Variants in OLAH observed in about 807,000 individuals in gnomAD.
The protein encoded by OLAH is S-acyl fatty acid synthase thioesterase, medium chain.
OLAH carries 33 observed loss-of-function variants against 27.8 expected under a neutral mutation model. The ratio of observed to expected loss-of-function variants is 1.19; its 90% CI spans 0.90 to 1.59. The LOEUF (loss-of-function observed/expected upper bound fraction) is 1.59. Ranked by LOEUF, OLAH falls within the 40% of genes most tolerant of loss-of-function variation. OLAH has a pLI of 0.00. For synonymous variants in OLAH, 120 were observed against 102.9 expected (o/e 1.17, Z -1.01); for missense variants, 359 against 310.8 (o/e 1.16, Z -1.17).
intron 3 of OLAH, among the ~76,000 whole-genome samples, chr10:15,060,131 CT>C (rs1844334763): frequency 6.6e-6 from 1 of 152,064 alleles, no homozygotes; most frequent in South Asian, 2.1e-4. Context: ...TACTCATCAG[CT>C]GTGCATTTAT....
At chr10:15,057,722 C>G (rs1844274932) in intron 3 of OLAH, among the ~76,000 whole-genome samples, 1 of 152,034 alleles carries the variant, frequency 6.6e-6, no homozygotes, top group African/African-American at 2.4e-5. Flanking sequence ...GTACTTGCCT[C>G]ATATGATACC....
At chr10:15,057,683 G>A (rs964922171) in intron 3 of OLAH, among the ~76,000 whole-genome samples, 6 of 152,090 alleles carry the variant, frequency 3.9e-5, no homozygotes, top group Non-Finnish European at 7.4e-5. Context: ...ACCGTGCCTG[G>A]GCCGGGTTCT....
At chr10:15,052,242 C>G (rs1844157565) in intron 3 of OLAH, among the ~76,000 whole-genome samples, 1 of 152,118 alleles carries the variant, frequency 6.6e-6, no homozygotes, top group Non-Finnish European at 1.5e-5. Context: ...GAGATCATGC[C>G]ACTGCACTCC....
intron 3 of OLAH, among the ~76,000 whole-genome samples, chr10:15,054,264 C>T (rs1428574482): frequency 2.0e-5 from 3 of 152,046 alleles, no homozygotes; most frequent in Non-Finnish European, 2.9e-5. Context: ...TGGACTCAAA[C>T]TCCTGATCTC....
chr10:15,046,303 G>A (rs999249365), intron 1 of OLAH, among the ~76,000 whole-genome samples: 1 of 148,186 alleles, frequency 6.7e-6, no homozygotes, highest in Non-Finnish European at 1.5e-5. Flanking sequence ...GCAACAGAGT[G>A]AGACTCCGTC....
chr10:15,068,648 G>A (rs934580246), intron 6 of OLAH, among the ~76,000 whole-genome samples: 3 of 152,112 alleles, frequency 2.0e-5, no homozygotes, highest in Admixed American at 6.5e-5. Context: ...ACCCCACCTC[G>A]GCCTCCCAAA....
At chr10:15,043,015 C>T (rs867543138), upstream of OLAH, among the ~76,000 whole-genome samples, 9 of 152,004 alleles carry the variant, frequency 5.9e-5, no homozygotes, top group Middle Eastern at 3.4e-3. Flanking sequence ...CGCCCGCCAC[C>T]ACACCCAGCT....
upstream of OLAH, among the ~76,000 whole-genome samples, chr10:15,041,002 C>T (rs189292573): frequency 6.6e-6 from 1 of 152,338 alleles, no homozygotes; most frequent in Non-Finnish European, 1.5e-5. Flanking sequence ...ACTCTACTCC[C>T]ATGAGGCTCC....
At chr10:15,032,232 T>G (rs938914577), upstream of OLAH, 3 of 152,182 alleles carry the variant, frequency 2.0e-5, no homozygotes, top group Non-Finnish European at 4.4e-5. Flanking sequence ...CTTTCTCCCA[T>G]GCTGGATGCT....
At chr10:15,071,711 C>T in intron 6 of OLAH, 84 bp from the exon 7 acceptor site, 1 of 1,465,440 alleles carries the variant, frequency 6.8e-7, no homozygotes, top group Non-Finnish European at 9.4e-7. Flanking sequence ...GAACCCACCC[C>T]AAGTTTCATT....
chr10:15,036,871 G>C (rs1843848191), intron 1 of OLAH, among the ~76,000 whole-genome samples: 1 of 152,078 alleles, frequency 6.6e-6, no homozygotes, highest in Non-Finnish European at 1.5e-5. Context: ...ACGAGGTCAA[G>C]AGTTTGAGAG....
intron 1 of OLAH, among the ~76,000 whole-genome samples, chr10:15,035,048 C>G (rs1347410349): frequency 1.3e-5 from 2 of 152,134 alleles, no homozygotes; most frequent in Non-Finnish European, 2.9e-5. Context: ...GATCCGCCCA[C>G]CTCGGCCTCC....
At chr10:15,059,662 C>T (rs886575356) in intron 3 of OLAH, among the ~76,000 whole-genome samples, 8 of 152,002 alleles carry the variant, frequency 5.3e-5, no homozygotes, top group South Asian at 2.1e-4. Context: ...AAAAATTACC[C>T]GGGTGTGGTG....
At chr10:15,070,605 C>T (rs374636215) in intron 6 of OLAH, among the ~76,000 whole-genome samples, 16 of 151,982 alleles carry the variant, frequency 1.1e-4, no homozygotes, top group African/African-American at 3.9e-4. Flanking sequence ...CTGCCTCTGC[C>T]TCCCAAGTAG....
At chr10:15,048,361 G>A (rs1170569283) in intron 2 of OLAH, among the ~76,000 whole-genome samples, 3 of 152,082 alleles carry the variant, frequency 2.0e-5, no homozygotes, top group African/African-American at 4.8e-5. Flanking sequence ...GGGATTACAG[G>A]TGCCCACCAC....
At chr10:15,048,663 T>A (rs1336021592) in intron 2 of OLAH, among the ~76,000 whole-genome samples, 1 of 152,242 alleles carries the variant, frequency 6.6e-6, no homozygotes, top group Admixed American at 6.5e-5. Flanking sequence ...ACGGTTTGGA[T>A]AAAATTATTC....
chr10:15,039,699 G>C (rs1843892712), upstream of OLAH, among the ~76,000 whole-genome samples: 1 of 152,216 alleles, frequency 6.6e-6, no homozygotes, highest in Non-Finnish European at 1.5e-5. Context: ...AAAGAGGCCT[G>C]TCTGTATTTT....
intron 1 of OLAH, among the ~76,000 whole-genome samples, chr10:15,033,706 T>C (rs1843794164): frequency 6.6e-6 from 1 of 151,910 alleles, no homozygotes; most frequent in South Asian, 2.1e-4. Context: ...TGAACGTGCG[T>C]CCTCCAGATG....
upstream of OLAH, among the ~76,000 whole-genome samples, chr10:15,042,792 A>T (rs1843942020): frequency 6.9e-6 from 1 of 144,148 alleles, no homozygotes; most frequent in Non-Finnish European, 1.5e-5. Context: ...TGAAAAGCAT[A>T]GTTTCTGGAA....
Sources: gnomAD v4.1 joint callset for allele counts (sites outside exome capture counted in the v4.1 genomes callset) on GRCh38, gnomAD v4.1.1 for gene constraint, MANE v1.5 for transcripts, NCBI Gene and HGNC (gene_info 2026-07-23, HGNC 2026-07-21) for gene names.